The following FLNA variants were observed in gnomAD, a reference collection of about 807,000 sequenced individuals.
FLNA encodes the protein filamin A, also known as filamin-A.
A neutral mutation model predicts 157.6 loss-of-function variants in FLNA; 7 were observed. That is an observed-to-expected ratio of 0.04 (90% CI 0.03 to 0.08). The LOEUF is 0.08. FLNA is among the 10% of genes least tolerant of loss of function. FLNA has a pLI of 1.00. For synonymous variants in FLNA, 1,103 were observed against 1,060.8 expected (o/e 1.04, Z -0.77); for missense variants, 1,750 against 2,398.4 (o/e 0.73, Z 5.65).
Position 154,354,144 on chromosome X carries a change from G to A in FLNA, c.5557+7C>T, listed in dbSNP as rs782608688. On this transcript the variant is annotated splice_region_variant and intron_variant, in intron 34 of 47. Transcript: ENST00000369850. Reference sequence around the variant, plus strand: ...CGGTGGAGTGGGCAGAGGCAGGGCAGGCCCACCTGGGATGTGCATGTTGTC... The same window carrying A: ...CGGTGGAGTGGGCAGAGGCAGGGCAAGCCCACCTGGGATGTGCATGTTGTC... 8.3e-7 allele frequency: 1 copy of A among 1,210,790 alleles called. No individual in the cohort carries two copies. The highest frequency in any genetic ancestry group is 1.1e-6 in the Non-Finnish European group (1 of 895,348).
At chrX:154,369,276 G>A (rs902576066) in intron 2 of FLNA, among the ~76,000 whole-genome samples, 10 of 112,466 alleles carry the variant, frequency 8.9e-5, no homozygotes, top group Admixed American at 4.7e-4. Flanking sequence ...AGGGGGACTC[G>A]GAGAGGACCA....
In FLNA at chrX:154,371,286, G is replaced by C; in HGVS notation, c.-41C>G. On this transcript the variant is annotated 5_prime_UTR_variant, in exon 2 of 48. Transcript: ENST00000369850. ...GCCGGGGGGGCGGTGCTGCAGCCTC[G>C]GCGAGGGGACGGCCCTTTAATTAAA... 8.4e-7 allele frequency: 1 copy of C among 1,188,905 alleles called. No homozygotes were observed. Among genetic ancestry groups the C allele is most frequent in the Non-Finnish European group, 1.1e-6 (1 of 888,023 alleles).
At chrX:154,355,253 C>A (rs2067654146) in intron 30 of FLNA, among the ~76,000 whole-genome samples, 181 bp from the exon 31 acceptor site, 1 of 113,625 alleles carries the variant, frequency 8.8e-6, no homozygotes, top group East Asian at 2.8e-4. Context: ...TCTCAGAAGG[C>A]AGGAAGGTTT....
intron 16 of FLNA, 39 bp downstream of exon 16, chrX:154,362,622 C>T (rs782239290): frequency 7.4e-6 from 9 of 1,210,685 alleles, no homozygotes; most frequent in Non-Finnish European, 8.9e-6. Context: ...CGCAGGGACA[C>T]CCCAGCCACC....
At chrX:154,367,281 T>C in intron 5 of FLNA, 116 bp downstream of exon 5, 1 of 822,811 alleles carries the variant, frequency 1.2e-6, no homozygotes, top group Non-Finnish European at 1.7e-6. Context: ...TTGGGTGGCT[T>C]GATCACCTAG....
chrX:154,371,300 C>T lies in FLNA; in HGVS notation c.-55G>A. On this transcript the variant is annotated 5_prime_UTR_variant, in exon 2 of 48. Transcript: ENST00000369850. ...GCTGCAGCCTCGGCGAGGGGACGGC[C>T]CTTTAATTAAAGTCGCAGGCACCTA... 1 of 1,176,750 alleles carries T rather than the reference C, an allele frequency of 8.5e-7. No individual in the cohort carries two copies. Among genetic ancestry groups the T allele is most frequent in the African/African-American group, 1.7e-5 (1 of 57,349 alleles).
rs1557178797 is a variant in FLNA at position 154,364,829 on chromosome X, C to T, written c.1820G>A (p.Gly607Asp). The T allele has an allele frequency of 8.3e-7, 1 of 1,211,457 alleles. No homozygotes were observed. Among genetic ancestry groups the T allele is most frequent in the Non-Finnish European group, 1.1e-6 (1 of 895,498 alleles). ...FVVEAIGDDV[G>D]TLGFSVEGPS... ...TGCAGCCTCCAACTTACCCAGCGTG[C>T]CCACGTCGTCCCCGATAGCCTCCAC... The change falls in exon 12 of 48, where the codon GGC becomes GAC. Residue 607 changes from glycine to aspartate, a missense_variant. Around this residue, in one of 5 missense-constraint regions of FLNA, gnomAD observed 648 missense variants for 805.8 expected, o/e 0.80. Transcript: ENST00000369850.
At position 154,351,689 on chromosome X, in the gene FLNA, G is replaced by A. The variant is rs781910090; in HGVS notation, c.6915C>T (p.Tyr2305=). ...VAYVVQEPGD[Y]EVSVKFNEEH... ...CCTCGTTGAACTTGACTGAGACTTC[G>A]TAGTCACCTGGGCAGGGAAAGAGTG... is the stretch of plus-strand genomic sequence containing the variant. Residue 2305 remains tyrosine, a synonymous_variant, in exon 43 of 48, where the codon TAC becomes TAT. Coordinates refer to ENST00000369850, the MANE Select transcript of FLNA (RefSeq NM_001110556.2). 9.3e-6 allele frequency: 11 copies of A among 1,184,310 alleles called. No homozygotes were observed. In the South Asian group the frequency reaches 1.1e-4, roughly 11 times the overall value.
In FLNA at chrX:154,366,845, C is replaced by T. The variant is rs1557179419; in HGVS notation, c.874G>A (p.Glu292Lys). The T allele has an allele frequency of 5.0e-6, 6 of 1,205,358 alleles. No individual in the cohort carries two copies. Among genetic ancestry groups the T allele is most frequent in the South Asian group, 1.8e-5 (1 of 56,894 alleles). Residue 292 changes from glutamate (E) to lysine (K), a missense_variant, in exon 6 of 48, where the codon GAG becomes AAG. Glu to Lys is a moderately conservative substitution (Grantham distance 56). This residue lies in a region of FLNA where 71 missense variants were observed against 239.5 expected (regional missense o/e 0.30). Coordinates refer to ENST00000369850, the MANE Select transcript of FLNA (RefSeq NM_001110556.2). ...KKARAYGPGIEPTGNMVKKRA... is the reference protein window; with the variant it reads ...KKARAYGPGIKPTGNMVKKRA... ...TTCTTCACCATGTTGCCTGTGGGCT[C>T]GATGCCTGGCAGGGGAAGGCGAGCC...
At chrX:154,359,219 G>T (rs782101555) in intron 25 of FLNA, 27 bp downstream of exon 25, 12 of 1,210,801 alleles carry the variant, frequency 9.9e-6, no homozygotes, top group Non-Finnish European at 1.3e-5. Flanking sequence ...GACAGTCCCA[G>T]CCCTGCCCTG....
At chrX:154,370,759 C>T in intron 2 of FLNA, 114 bp downstream of exon 2, 1 of 841,173 alleles carries the variant, frequency 1.2e-6, no homozygotes, top group Non-Finnish European at 1.7e-6. Flanking sequence ...CCGGAGGCCT[C>T]GGGAGTTGCG....
intron 15 of FLNA, among the ~76,000 whole-genome samples, chrX:154,363,525 T>C (rs1490299207): frequency 2.7e-5 from 3 of 110,272 alleles, no homozygotes; most frequent in Non-Finnish European, 5.7e-5. Flanking sequence ...CCATCCTGGC[T>C]AACACAGTGA....
In FLNA at chrX:154,354,247, T is replaced by C. The variant is rs782241871; in HGVS notation, c.5461A>G (p.Thr1821Ala). 2.5e-6 allele frequency: 3 copies of C among 1,211,583 alleles called. No individual in the cohort carries two copies. The highest frequency in any genetic ancestry group is 2.2e-6 in the Non-Finnish European group (2 of 895,547). ...GTCACGGTGCCGTCTTTGTTGTCAG[T>C]GATGGTGGGCTGCGCCACCTTGCCT... ...PSGKVAQPTI[T>A]DNKDGTVTVR... Residue 1821 changes from threonine (T) to alanine (A), a missense_variant, in exon 34 of 48, where the codon ACT (threonine) becomes GCT (alanine). By Grantham distance (58) the Thr-to-Ala change is moderately conservative. This residue lies in a region of FLNA where 970 missense variants were observed against 1,302.6 expected (regional missense o/e 0.74). Coordinates refer to ENST00000369850, the MANE Select transcript of FLNA (RefSeq NM_001110556.2).
chrX:154,355,037 C>T lies in FLNA; in HGVS notation c.5005G>A (p.Glu1669Lys). The change falls in exon 31 of 48, where the codon GAG becomes AAG. Residue 1669 changes from glutamate to lysine, a missense_variant. Physicochemically the swap from Glu to Lys is moderately conservative, Grantham distance 56. Transcript: ENST00000369850. Reference sequence around the variant, plus strand: ...TTAGTGTCCACAGTGATCACCGTCTCCTCCCCAATCTGAATGGTGGGGCCG... The same window carrying T: ...TTAGTGTCCACAGTGATCACCGTCTTCTCCCCAATCTGAATGGTGGGGCCG... ...GIGPTIQIGE[E>K]TVITVDTKAA... 1 of 1,209,459 alleles carries T rather than the reference C, an allele frequency of 8.3e-7. No homozygotes were observed. The highest frequency in any genetic ancestry group is 1.1e-6 in the Non-Finnish European group (1 of 893,434).
At position 154,360,080 on chromosome X, in the gene FLNA, G is replaced by A. The variant is rs1557177677; in HGVS notation, c.3715C>T (p.Pro1239Ser). 1 of 1,211,214 alleles carries A rather than the reference G, an allele frequency of 8.3e-7. No homozygotes were observed. The highest frequency in any genetic ancestry group is 2.2e-5 in the Admixed American group (1 of 46,161). Residue 1239 changes from proline to serine, a missense_variant, in exon 22 of 48, where the codon CCC becomes TCC. By Grantham distance (74) the Pro-to-Ser change is moderately conservative (BLOSUM62 -1). Coordinates refer to ENST00000369850, the MANE Select transcript of FLNA (RefSeq NM_001110556.2). The part of the protein sequence containing the change: ...YTVTIKYGGQ[P>S]VPNFPSKLQV... ...AGCTTGCTGGGGAAGTTGGGCACGG[G>A]CTGGCCGCCGTACTTGATGGTGACG...
chrX:154,349,692 G>T lies in FLNA; in HGVS notation c.7509C>A (p.Gly2503=), dbSNP rs981689322. 2 of 1,211,934 alleles carry T rather than the reference G, an allele frequency of 1.7e-6. No homozygotes were observed. The highest frequency in any genetic ancestry group is 2.2e-6 in the Non-Finnish European group (2 of 895,531). ...GSYLISIKYG[G]PYHIGGSPFK... is the part of the protein sequence containing the mutation. ...AGGGGCTGCCCCCAATGTGGTAGGG[G>T]CCGCCGTACTTGATGGAGATGAGGT... Residue 2503 remains glycine, a synonymous_variant, in exon 46 of 48, where the codon GGC becomes GGA. Coordinates refer to ENST00000369850, the MANE Select transcript of FLNA (RefSeq NM_001110556.2).
Position 154,348,947 on chromosome X carries a change from C to T in FLNA, c.7846G>A (p.Val2616Met), listed in dbSNP as rs369791082. The change falls in exon 48 of 48, where the codon GTG (valine) becomes ATG (methionine). Residue 2616 changes from valine (V) to methionine (M), a missense_variant. Physicochemically the swap from Val to Met is conservative, Grantham distance 21 (BLOSUM62 1). This residue lies in a region of FLNA where 970 missense variants were observed against 1,302.6 expected (regional missense o/e 0.74). Transcript: ENST00000369850. ...VKHVGSRLYS[V>M]SYLLKDKGEY... Reference sequence around the variant, plus strand: ...CCCTTGTCCTTGAGCAGGTAGGACACGCTGTAGAGCCGGCTGCCCACGTGC... The same window carrying T: ...CCCTTGTCCTTGAGCAGGTAGGACATGCTGTAGAGCCGGCTGCCCACGTGC... The T allele has an allele frequency of 2.6e-5, 31 of 1,209,328 alleles. No homozygotes were observed. Among genetic ancestry groups the T allele is most frequent in the Non-Finnish European group, 3.2e-5 (29 of 894,458 alleles).
intron 30 of FLNA, among the ~76,000 whole-genome samples, chrX:154,355,634 G>A (rs782502298): frequency 2.6e-5 from 3 of 113,312 alleles, no homozygotes; most frequent in Admixed American, 9.2e-5. Flanking sequence ...GAGTGGGAGC[G>A]GGGAAGCGGG....
chrX:154,360,273 G>A lies in FLNA; in HGVS notation c.3522C>T (p.Thr1174=), dbSNP rs373625856. Residue 1174 remains threonine, a synonymous_variant, in exon 22 of 48, where the codon ACC becomes ACT. Coordinates refer to ENST00000369850, the MANE Select transcript of FLNA (RefSeq NM_001110556.2). ...CTTGGAATTGGCCCACCTCCCCAGC[G>A]GTGGCCCGCTCCAGCCCGGGGCCTG... is the stretch of plus-strand genomic sequence containing the variant. ...KCSGPGLERA[T]AGEVGQFQVD... is the part of the protein sequence containing the mutation. The A allele has an allele frequency of 1.9e-4, 227 of 1,211,153 alleles. No individual in the cohort carries two copies. The highest frequency in any genetic ancestry group is 2.4e-4 in the Non-Finnish European group (211 of 895,555).
Sources: allele counts gnomAD v4.1 joint callset (sites outside exome capture counted in the v4.1 genomes callset), GRCh38; gene constraint gnomAD v4.1.1; regional missense constraint gnomAD v4.1.1; transcripts MANE v1.5; gene names NCBI Gene and HGNC (gene_info 2026-07-23, HGNC 2026-07-21).